ROBO3: variants seen among roughly 807,000 people sequenced by gnomAD.
The protein encoded by ROBO3 is roundabout guidance receptor 3, also known as roundabout homolog 3.
A neutral mutation model predicts 160.5 loss-of-function variants in ROBO3; 97 were observed. That is an observed-to-expected ratio of 0.60 (90% confidence interval 0.51 to 0.72). The LOEUF is 0.72. Among genes scored for constraint, ROBO3 ranks in the 30% least tolerant of loss-of-function variants. ROBO3 has a pLI of 0.00. For missense variants in ROBO3, 1,858 were observed against 1,846.5 expected, an observed-to-expected ratio of 1.01 and a Z score of -0.11; for synonymous variants, 780 against 746.2, an observed-to-expected ratio of 1.05 and a Z score of -0.74.
intron 11 of ROBO3, 57 bp from the exon 12 acceptor site, chr11:124,874,013 G>T: frequency 6.2e-7 from 1 of 1,605,016 alleles, no homozygotes; most frequent in Non-Finnish European, 8.5e-7. Context: ...ATGAGATGGA[G>T]TAGGCAGGTT....
At chr11:124,866,112 A>C (rs1946193306) in intron 1 of ROBO3, among the ~76,000 whole-genome samples, 1 of 152,214 alleles carries the variant, frequency 6.6e-6, no homozygotes, top group Non-Finnish European at 1.5e-5. Context: ...GGCCTCGGCC[A>C]AGCCAGGTCA....
Position 124,874,795 on chromosome 11 carries a change from C to T in ROBO3, c.1959C>T (p.Ser653=). 3 of 1,605,350 alleles carry T rather than the reference C, an allele frequency of 1.9e-6. No individual in the cohort carries two copies. The highest frequency in any genetic ancestry group is 2.6e-6 in the Non-Finnish European group (3 of 1,176,118). Residue 653 remains serine, a synonymous_variant, in exon 13 of 28, where the codon AGC becomes AGT. Transcript: ENST00000397801. ...GGGTTCCTTGGTCAACAGATAGCAG[C>T]CCCTCTAGGCCAGTGGAGGACCCAT... is the stretch of plus-strand genomic sequence containing the variant. ...VSEPVRTQDS[S]PSRPVEDPWR...
intron 7 of ROBO3, 66 bp downstream of exon 7, chr11:124,871,204 CA>C: frequency 6.6e-7 from 1 of 1,525,850 alleles, no homozygotes; most frequent in South Asian, 1.2e-5. Flanking sequence ...CCTCCCTCTA[CA>C]TTCTGCAAAC....
In ROBO3 at chr11:124,879,857, C is replaced by G. The variant is rs1345992831; in HGVS notation, c.3867C>G (p.Gly1289=). The G allele has an allele frequency of 6.2e-7, 1 of 1,613,724 alleles. No homozygotes were observed. The highest frequency in any genetic ancestry group is 8.5e-7 in the Non-Finnish European group (1 of 1,179,806). ...ASWALELRAA[G]SMSSLERERS... is the part of the protein sequence containing the mutation. Reference sequence around the variant, plus strand: ...GGGCCCTAGAGCTGAGGGCAGCAGGCAGCATGTCCTCCCTGGAGCGGGAGC... The same window carrying G: ...GGGCCCTAGAGCTGAGGGCAGCAGGGAGCATGTCCTCCCTGGAGCGGGAGC... The change falls in exon 26 of 28, where the codon GGC becomes GGG. Residue 1289 remains glycine (G), a synonymous_variant. Transcript: ENST00000397801.
rs1487324750 is a variant in ROBO3, at chr11:124,871,070, G to T, written c.1090G>T (p.Val364Leu). Residue 364 changes from valine (V) to leucine (L), a missense_variant, in exon 7 of 28, where the codon GTG (valine) becomes TTG (leucine). By Grantham distance (32) the Val-to-Leu change is conservative. Coordinates refer to ENST00000397801, the MANE Select transcript of ROBO3 (RefSeq NM_022370.4). ...QDQMAAPGESVAFQCETKGNP... is the reference protein window; with the variant it reads ...QDQMAAPGESLAFQCETKGNP... ...CCAGATGGCAGCTCCTGGAGAGAGC[G>T]TGGCTTTCCAGTGCGAGACCAAAGG... The T allele has an allele frequency of 6.2e-7, 1 of 1,613,782 alleles. No homozygotes were observed. The highest frequency in any genetic ancestry group is 8.5e-7 in the Non-Finnish European group (1 of 1,179,724).
In ROBO3 at chr11:124,869,370, A is replaced by C; in HGVS notation, c.488-80A>C. The C allele has an allele frequency of 7.4e-7, 1 of 1,348,852 alleles. No individual in the cohort carries two copies. Among genetic ancestry groups the C allele is most frequent in the Non-Finnish European group, 1.0e-6 (1 of 964,514 alleles). The allele number at this position is 1,348,852 out of a possible 1,614,324, so 83.6% of individuals were successfully genotyped here. A position where few individuals can be genotyped will look rare whatever the true frequency, so the allele number is the denominator to read the frequency against. On this transcript the variant is annotated intron_variant, in intron 2 of 27. Coordinates refer to ENST00000397801, the MANE Select transcript of ROBO3 (RefSeq NM_022370.4). The surrounding 1 kb of genome is among the most constrained non-coding windows in gnomAD (Gnocchi z 4.2). Reference sequence around the variant, plus strand: ...AGTCTGCAGCGATCAACCCCTTCCCAAGACAACACTTTCCCTGTGTCCTCA... The same window carrying C: ...AGTCTGCAGCGATCAACCCCTTCCCCAGACAACACTTTCCCTGTGTCCTCA...
chr11:124,870,012 T>A lies in ROBO3; in HGVS notation c.710T>A (p.Val237Glu), dbSNP rs1467432534. Residue 237 changes from valine to glutamate, a missense_variant, in exon 4 of 28, where the codon GTA (valine) becomes GAA (glutamate). Val to Glu is a moderately radical substitution (Grantham distance 121). Coordinates refer to ENST00000397801, the MANE Select transcript of ROBO3 (RefSeq NM_022370.4). ...LKSDAGMYVC[V>E]ASNMAGERES... ...AGCGATGCAGGCATGTATGTGTGCG[T>A]AGCCTCCAACATGGCGGGAGAACGG... 1.9e-6 allele frequency: 3 copies of A among 1,614,028 alleles called. No homozygotes were observed. The highest frequency in any genetic ancestry group is 1.7e-6 in the Non-Finnish European group (2 of 1,179,884).
In ROBO3 at chr11:124,876,935, C is replaced by T. The variant is rs1465895203; in HGVS notation, c.2780-226C>T. The T allele has an allele frequency of 3.2e-6, 2 of 631,568 alleles. No individual in the cohort carries two copies. The highest frequency in any genetic ancestry group is 5.7e-6 in the Non-Finnish European group (2 of 352,042). The allele number at this position is 631,568 out of a possible 1,614,324, so 39.1% of individuals were successfully genotyped here. A position where few individuals can be genotyped will look rare whatever the true frequency, so the allele number is the denominator to read the frequency against. Reference sequence around the variant, plus strand: ...GGAGAGATTCTGAGGTGTTTGAGGTCAGTGGTTTTCAATCTTGGTTGGCTA... The same window carrying T: ...GGAGAGATTCTGAGGTGTTTGAGGTTAGTGGTTTTCAATCTTGGTTGGCTA... On this transcript the variant is annotated intron_variant, in intron 17 of 27. Coordinates refer to ENST00000397801, the MANE Select transcript of ROBO3 (RefSeq NM_022370.4). The surrounding 1 kb of genome is among the most constrained non-coding windows in gnomAD (Gnocchi z 5.3).
chr11:124,877,945 A>C lies in ROBO3; in HGVS notation c.2995A>C (p.Ile999Leu). The change falls in exon 21 of 28, where the codon ATC becomes CTC. Residue 999 changes from isoleucine (I) to leucine (L), a missense_variant. Coordinates refer to ENST00000397801, the MANE Select transcript of ROBO3 (RefSeq NM_022370.4). ...CTCTTTCTTCTCTGCAGAAGCGGGA[A>C]TCTCCCTGTATCTAGCTCAGACGGC... ...PDDRYYNEAG[I>L]SLYLAQTARG... 1 of 1,602,250 alleles carries C rather than the reference A, an allele frequency of 6.2e-7. No individual in the cohort carries two copies.
Position 124,876,288 on chromosome 11 carries a change from CCTGGAGCCCGGG to C in ROBO3, c.2614_2625del (p.Pro872_Glu875del), listed in dbSNP as rs749521478. The C allele has an allele frequency of 6.6e-5, 97 of 1,463,712 alleles. No homozygotes were observed. Among genetic ancestry groups the C allele is most frequent in the Non-Finnish European group, 8.3e-5 (93 of 1,120,450 alleles). 90.7% of individuals were successfully genotyped at this position (1,463,712 alleles called of 1,614,324 possible). A position where few individuals can be genotyped will look rare whatever the true frequency, so the allele number is the denominator to read the frequency against. On this transcript the variant is annotated inframe_deletion, in exon 17 of 28. Coordinates refer to ENST00000397801, the MANE Select transcript of ROBO3 (RefSeq NM_022370.4). This position sits in a 1 kb window ranked among gnomAD's most constrained non-coding sequence, Gnocchi z 5.3. ...TGACCCCCACAGCGTCCCCGCCGGA[CCTGGAGCCCGGG>C]CTGGAGGTGGGCGCGGGGCTGGCGG...
rs879027538 is a variant in ROBO3, at chr11:124,872,260, G to C, written c.1159-121G>C. 50 of 924,258 alleles carry C rather than the reference G, an allele frequency of 5.4e-5. 1 individual carries two copies. The South Asian group carries it at 6.6e-4, about 12-fold the overall frequency. 57.3% of individuals were successfully genotyped at this position (924,258 alleles called of 1,614,324 possible). ...TTTGCCCAAGTTCACATCACTGCTG[G>C]AGACAGACGATGAACTAGAATCATA... is the stretch of plus-strand genomic sequence containing the variant. On this transcript the variant is annotated intron_variant, in intron 7 of 27. Transcript: ENST00000397801. This position sits in a 1 kb window ranked among gnomAD's most constrained non-coding sequence, Gnocchi z 4.3.
At position 124,879,784 on chromosome 11, in the gene ROBO3, C is replaced by T; in HGVS notation, c.3797-3C>T. ...GCTCCGCTGAAAACAGCTCCCTCCC[C>T]AGACTTGCCCCCACCACCCTTGCCA... On this transcript the variant is annotated splice_region_variant and splice_polypyrimidine_tract_variant and intron_variant, in intron 25 of 27. Coordinates refer to ENST00000397801, the MANE Select transcript of ROBO3 (RefSeq NM_022370.4). 1 of 1,613,650 alleles carries T rather than the reference C, an allele frequency of 6.2e-7. No homozygotes were observed. The highest frequency in any genetic ancestry group is 8.5e-7 in the Non-Finnish European group (1 of 1,179,762).
chr11:124,875,197 C>T lies in ROBO3; in HGVS notation c.2160C>T (p.Asp720=). 1 of 1,613,814 alleles carries T rather than the reference C, an allele frequency of 6.2e-7. No individual in the cohort carries two copies. Among genetic ancestry groups the T allele is most frequent in the Non-Finnish European group, 8.5e-7 (1 of 1,179,856 alleles). Residue 720 remains aspartate, a synonymous_variant, in exon 14 of 28, where the codon GAC becomes GAT. Transcript: ENST00000397801. ...GPEGGSWTML[D]LQSPSQQSTV... Reference sequence around the variant, plus strand: ...AGGGAGGAAGCTGGACAATGTTGGACCTACAGTCCCCAAGCCAGCAAAGTA... The same window carrying T: ...AGGGAGGAAGCTGGACAATGTTGGATCTACAGTCCCCAAGCCAGCAAAGTA...
chr11:124,868,244 A>G (rs1465336163), intron 1 of ROBO3, among the ~76,000 whole-genome samples: 1 of 152,194 alleles, frequency 6.6e-6, no homozygotes, highest in Non-Finnish European at 1.5e-5. Context: ...ATCCAGGTTG[A>G]CAAGCCCTTC....
In ROBO3 at chr11:124,869,497, GT is replaced by G; in HGVS notation, c.536del (p.Val179GlyfsTer43). On this transcript the variant is annotated frameshift_variant, in exon 3 of 28. Transcript: ENST00000397801. LOFTEE classifies it high-confidence loss of function. This position sits in a 1 kb window ranked among gnomAD's most constrained non-coding sequence, Gnocchi z 4.2. Reference sequence around the variant, plus strand: ...GTCTCCTGGAAACGTGGTGGTGGCAGTGGGGGAGCCAGCAGTACTGGAATGC... The same window carrying G: ...GTCTCCTGGAAACGTGGTGGTGGCAGGGGGGAGCCAGCAGTACTGGAATGC... ...RQSPGNVVVA[V>X]GEPAVLECVP... The G allele has an allele frequency of 6.4e-7, 1 of 1,555,576 alleles. No homozygotes were observed. The highest frequency in any genetic ancestry group is 8.7e-7 in the Non-Finnish European group (1 of 1,149,570).
intron 20 of ROBO3, 80 bp downstream of exon 20, chr11:124,877,738 C>T (rs908533408): frequency 2.6e-6 from 4 of 1,545,722 alleles, no homozygotes; most frequent in East Asian, 2.4e-5. Flanking sequence ...CGCCCGGGAG[C>T]CCGGTCTCTC....
In ROBO3 at chr11:124,874,169, G is replaced by T; in HGVS notation, c.1884G>T (p.Leu628=). The T allele has an allele frequency of 2.5e-6, 4 of 1,613,996 alleles. No homozygotes were observed. The highest frequency in any genetic ancestry group is 3.4e-6 in the Non-Finnish European group (4 of 1,179,880). ...GLQPNTIYLF[L]VRAVGAWGLS... ...AGCCCAATACCATCTACCTGTTTCT[G>T]GTTCGAGCAGTGGGAGCCTGGGGCC... Residue 628 remains leucine (L), a synonymous_variant, in exon 12 of 28, where the codon CTG becomes CTT. Coordinates refer to ENST00000397801, the MANE Select transcript of ROBO3 (RefSeq NM_022370.4).
chr11:124,880,386 G>C, intron 26 of ROBO3, 32 bp from the exon 27 acceptor site: 4 of 1,610,682 alleles, frequency 2.5e-6, no homozygotes, highest in Non-Finnish European at 3.4e-6. Context: ...CTTCCTGCCT[G>C]CACCTGGCTA....
At position 124,865,625 on chromosome 11, in the gene ROBO3, G is replaced by A; in HGVS notation, c.48G>A (p.Ala16=). 1 of 1,612,950 alleles carries A rather than the reference G, an allele frequency of 6.2e-7. No homozygotes were observed. The highest frequency in any genetic ancestry group is 8.5e-7 in the Non-Finnish European group (1 of 1,179,740). The change falls in exon 1 of 28, where the codon GCG becomes GCA. Residue 16 remains alanine (A), a synonymous_variant. Transcript: ENST00000397801. The surrounding 1 kb of genome is among the most constrained non-coding windows in gnomAD (Gnocchi z 5.5). ...LKTLLQMNLF[A]DSLAGDISNS... ...CGCTGCTGCAGATGAACTTGTTCGC[G>A]GACTCTCTGGCCGGGGACATCTCCA...
Sources: gnomAD v4.1 joint callset for allele counts (sites outside exome capture counted in the v4.1 genomes callset) on GRCh38, gnomAD v4.1.1 for gene constraint, Gnocchi (gnomAD v3.1) non-coding constraint, MANE v1.5 for transcripts, NCBI Gene and HGNC (gene_info 2026-07-23, HGNC 2026-07-21) for gene names.